ZPBP: variants seen among roughly 807,000 people sequenced by gnomAD.
ZPBP encodes zona pellucida-binding protein 1.
ZPBP carries 26 observed loss-of-function variants against 44.8 expected under a neutral mutation model. That is an observed-to-expected ratio of 0.58 (90% confidence interval 0.43 to 0.81). ZPBP has a LOEUF of 0.81. Ranked by LOEUF, ZPBP falls within the 30% of genes least tolerant of loss-of-function variation. ZPBP has a pLI of 0.00. For synonymous variants in ZPBP, 174 were observed against 153.2 expected (o/e 1.14, Z -1.00); for missense variants, 409 against 434.0 (o/e 0.94, Z 0.51).
chr7:49,932,817 T>C (rs1475226380), downstream of ZPBP, among the ~76,000 whole-genome samples: 2 of 152,150 alleles, frequency 1.3e-5, no homozygotes, highest in Admixed American at 6.5e-5. Flanking sequence ...AATTGAATCA[T>C]GGAAGCAGTT....
In ZPBP at chr7:50,001,754, C is replaced by T. The variant is rs575180437; in HGVS notation, c.783+16486G>A. On this transcript the variant is annotated intron_variant, in intron 6 of 7. Coordinates refer to ENST00000046087, the MANE Select transcript of ZPBP (RefSeq NM_007009.3). The stretch of plus-strand genomic sequence containing the variant: ...TTAGCTGTGGTAATGATGGGAAACC[C>T]GGGAGGACCCCTGACTTGCAAAGAT... Among the ~76,000 whole-genome samples the T allele has an allele frequency of 1.1e-3, 163 of 152,178 alleles. 1 individual carries two copies. The highest frequency in any genetic ancestry group is 3.5e-3 in the African/African-American group (144 of 41,534).
At chr7:49,850,193 G>A (rs1790120362), downstream of ZPBP, among the ~76,000 whole-genome samples, 1 of 152,206 alleles carries the variant, frequency 6.6e-6, no homozygotes, top group South Asian at 2.1e-4. Context: ...CAACACAGTG[G>A]TCAGATAGGG....
chr7:50,038,927 C>T (rs1799946078), intron 4 of ZPBP, among the ~76,000 whole-genome samples: 2 of 152,102 alleles, frequency 1.3e-5, no homozygotes, highest in African/African-American at 4.8e-5. Context: ...TATAAGTAAA[C>T]TCTATGACGT....
At chr7:50,058,890 C>A (rs189191574) in intron 3 of ZPBP, among the ~76,000 whole-genome samples, 107 of 152,212 alleles carry the variant, frequency 7.0e-4, no homozygotes, top group Non-Finnish European at 1.2e-3. Flanking sequence ...TGAGACCTAC[C>A]TTTCCCTCTC....
chr7:50,015,096 A>G (rs1798762266), intron 6 of ZPBP, among the ~76,000 whole-genome samples: 1 of 152,148 alleles, frequency 6.6e-6, no homozygotes, highest in Admixed American at 6.6e-5. Context: ...TACTATCATC[A>G]AGACAGAAAA....
At chr7:49,960,603 G>A (rs1795828766) in intron 7 of ZPBP, among the ~76,000 whole-genome samples, 4 of 152,122 alleles carry the variant, frequency 2.6e-5, no homozygotes, top group East Asian at 1.9e-4. Context: ...ACATATATCA[G>A]CAAAGGACTT....
downstream of ZPBP, among the ~76,000 whole-genome samples, chr7:49,935,079 A>G (rs542267486): frequency 2.6e-5 from 4 of 152,286 alleles, no homozygotes; most frequent in Admixed American, 2.6e-4. Context: ...ACTTTAAACA[A>G]CTTCCAACAT....
At chr7:50,066,441 G>T (rs1430465905) in intron 3 of ZPBP, among the ~76,000 whole-genome samples, 1 of 152,034 alleles carries the variant, frequency 6.6e-6, no homozygotes, top group Non-Finnish European at 1.5e-5. Context: ...TGGTAGAGTT[G>T]TAACTATGGT....
chr7:49,871,188 GAAT>G (rs1791134350), intron 2 of ZPBP, among the ~76,000 whole-genome samples: 2 of 152,206 alleles, frequency 1.3e-5, no homozygotes, highest in Middle Eastern at 3.4e-3. Flanking sequence ...AAATAAAAAC[GAAT>G]AATAATATCT....
At chr7:50,015,346 A>G (rs1367034337) in intron 6 of ZPBP, among the ~76,000 whole-genome samples, 1 of 152,142 alleles carries the variant, frequency 6.6e-6, no homozygotes, top group Non-Finnish European at 1.5e-5. Context: ...TATATAAAGC[A>G]TAGTGATAAA....
At chr7:49,849,859 T>C (rs577794837), downstream of ZPBP, among the ~76,000 whole-genome samples, 16 of 152,210 alleles carry the variant, frequency 1.1e-4, no homozygotes, top group Non-Finnish European at 1.9e-4. Context: ...TGAAGCCTCA[T>C]ATAGTGGGAC....
chr7:49,948,342 T>C (rs1795191730), intron 7 of ZPBP, among the ~76,000 whole-genome samples: 1 of 152,216 alleles, frequency 6.6e-6, no homozygotes, highest in South Asian at 2.1e-4. Context: ...TGATTTCTTT[T>C]ACGTGATACC....
At chr7:49,898,443 G>T (rs910585146) in intron 2 of ZPBP, among the ~76,000 whole-genome samples, 7 of 151,714 alleles carry the variant, frequency 4.6e-5, no homozygotes, top group Non-Finnish European at 1.0e-4. Context: ...TGTAAGGGTG[G>T]TCTACTAACC....
intron 4 of ZPBP, among the ~76,000 whole-genome samples, chr7:50,032,485 T>C (rs1237378505): frequency 1.3e-5 from 2 of 152,244 alleles, no homozygotes; most frequent in Non-Finnish European, 2.9e-5. Flanking sequence ...CCAAATTCTC[T>C]GAAACACTGT....
chr7:50,034,302 T>C (rs1260643950), intron 4 of ZPBP, among the ~76,000 whole-genome samples: 4 of 152,040 alleles, frequency 2.6e-5, no homozygotes, highest in Middle Eastern at 3.4e-3. Context: ...TGACTTGAAA[T>C]CCCTAGACAT....
chr7:49,919,982 T>A (rs914520056), intron 1 of ZPBP: 5 of 152,232 alleles, frequency 3.3e-5, no homozygotes, highest in Non-Finnish European at 7.3e-5. Context: ...GATTCAAAAT[T>A]GTGCCTTCTA....
intron 3 of ZPBP, among the ~76,000 whole-genome samples, chr7:50,065,729 G>A (rs191081580): frequency 2.7e-4 from 41 of 150,978 alleles, no homozygotes; most frequent in Admixed American, 1.3e-3. Flanking sequence ...AGCAAATATC[G>A]TTTTGGTTGA....
intron 2 of ZPBP, among the ~76,000 whole-genome samples, chr7:49,890,546 T>C (rs1465937816): frequency 6.6e-6 from 1 of 152,204 alleles, no homozygotes; most frequent in Non-Finnish European, 1.5e-5. Flanking sequence ...AACTTCTCAT[T>C]TTATAGGGAT....
chr7:50,012,009 C>G (rs138257346), intron 6 of ZPBP, among the ~76,000 whole-genome samples: 1 of 144,636 alleles, frequency 6.9e-6, no homozygotes, highest in Non-Finnish European at 1.5e-5. Context: ...CCAGCCTAGG[C>G]GACAGAGTGA....
Sources: gnomAD v4.1 joint callset for allele counts (sites outside exome capture counted in the v4.1 genomes callset) on GRCh38, gnomAD v4.1.1 for gene constraint, MANE v1.5 for transcripts, NCBI Gene and HGNC (gene_info 2026-07-23, HGNC 2026-07-21) for gene names.